The following SNED1 variants were observed in gnomAD, a reference collection of about 807,000 sequenced individuals.
SNED1 encodes the protein sushi, nidogen and EGF-like domain-containing protein 1.
In SNED1, 81 loss-of-function variants were observed where a neutral mutation model predicts 166.7. The ratio of observed to expected loss-of-function variants is 0.49; its 90% CI spans 0.41 to 0.58. SNED1 has a LOEUF of 0.58. Ranked by LOEUF, SNED1 falls within the 20% of genes least tolerant of loss-of-function variation. The probability of loss-of-function intolerance (pLI) is 0.00; values close to 1 mark genes in which losing one functional copy is unlikely to be tolerated. For missense variants in SNED1, 1,604 were observed against 2,000.2 expected (o/e 0.80, Z 3.78); for synonymous variants, 762 against 822.0 (o/e 0.93, Z 1.25).
intron 27 of SNED1, among the ~76,000 whole-genome samples, chr2:241,079,113 C>CAAA (rs1274280801): frequency 1.2e-3 from 86 of 72,554 alleles, no homozygotes; most frequent in Admixed American, 2.7e-3. Context: ...GACTCCATCT[C>CAAA]AAAAAAAAAA....
intron 4 of SNED1, 126 bp downstream of exon 4, chr2:241,034,856 C>G: frequency 9.4e-7 from 1 of 1,063,138 alleles, no homozygotes; most frequent in Non-Finnish European, 1.3e-6. Context: ...GGTGTCCAGC[C>G]CAGCCCACCT....
chr2:240,998,898 G>C lies in SNED1; in HGVS notation c.61G>C (p.Gly21Arg), dbSNP rs1429255134. The C allele has an allele frequency of 8.1e-7, 1 of 1,228,442 alleles. No homozygotes were observed. The highest frequency in any genetic ancestry group is 3.5e-5 in the East Asian group (1 of 28,838). The allele number at this position is 1,228,442 out of a possible 1,614,324, so 76.1% of individuals were successfully genotyped here. A position where few individuals can be genotyped will look rare whatever the true frequency, so the allele number is the denominator to read the frequency against. Residue 21 changes from glycine to arginine, a missense_variant, in exon 1 of 32, where the codon GGG becomes CGG. By Grantham distance (125) the Gly-to-Arg change is moderately radical (BLOSUM62 -2). Coordinates refer to ENST00000310397, the MANE Select transcript of SNED1 (RefSeq NM_001080437.3). Reference protein sequence around the residue: ...VAAALGLGARGVRGAVALADF... With the variant: ...VAAALGLGARRVRGAVALADF... The stretch of plus-strand genomic sequence containing the variant: ...CGCGGCCCTGGGGCTTGGGGCGCGC[G>C]GGGTGCGCGGCGCGGTGGCCCTTGC...
chr2:240,998,832 T>G lies in SNED1; in HGVS notation c.-6T>G. The G allele has an allele frequency of 8.4e-7, 1 of 1,194,788 alleles. No individual in the cohort carries two copies. The highest frequency in any genetic ancestry group is 3.4e-5 in the South Asian group (1 of 29,416). 74.0% of individuals were successfully genotyped at this position (1,194,788 alleles called of 1,614,324 possible). ...CAGCGCCCCGTCCCGCCCGCACACCTCCGCGATGCGGCACGGCGTCGCCTG... is the reference window on the plus strand; with the variant it reads ...CAGCGCCCCGTCCCGCCCGCACACCGCCGCGATGCGGCACGGCGTCGCCTG... On this transcript the variant is annotated 5_prime_UTR_variant, in exon 1 of 32. Transcript: ENST00000310397.
intron 27 of SNED1, chr2:241,074,451 A>T (rs963460874): frequency 6.6e-6 from 1 of 152,142 alleles, no homozygotes; most frequent in African/African-American, 2.4e-5. Flanking sequence ...GTGAACTAAA[A>T]CAAACATTTC....
intron 2 of SNED1, among the ~76,000 whole-genome samples, chr2:241,032,282 A>G (rs947472966): frequency 4.6e-5 from 7 of 151,940 alleles, no homozygotes; most frequent in East Asian, 1.9e-4. Flanking sequence ...CCCGGGAGGC[A>G]GAGGTTGCAG....
intron 1 of SNED1, among the ~76,000 whole-genome samples, chr2:241,014,757 C>T (rs2060526510): frequency 6.6e-6 from 1 of 152,118 alleles, no homozygotes; most frequent in Non-Finnish European, 1.5e-5. Context: ...GTAAATTCTC[C>T]ATATTGCTTT....
At chr2:241,048,214 C>G in intron 8 of SNED1, 101 bp from the exon 9 acceptor site, 6 of 1,353,936 alleles carry the variant, frequency 4.4e-6, no homozygotes, top group Non-Finnish European at 5.9e-6. Flanking sequence ...TTGGGAATGA[C>G]AACAGAGGTG....
chr2:241,090,226 T>G (rs773175925), intron 31 of SNED1: 14 of 1,489,970 alleles, frequency 9.4e-6, no homozygotes, highest in Non-Finnish European at 1.3e-5. Flanking sequence ...TTTTTACTAT[T>G]TAACTTTTGT....
chr2:241,014,977 T>C (rs552410292), intron 1 of SNED1, among the ~76,000 whole-genome samples: 2 of 152,326 alleles, frequency 1.3e-5, no homozygotes, highest in South Asian at 4.1e-4. Context: ...CTCCTGCTTC[T>C]CTGTCCCTGA....
chr2:241,053,393 G>A, intron 16 of SNED1, 67 bp downstream of exon 16: 3 of 1,465,030 alleles, frequency 2.0e-6, no homozygotes, highest in African/African-American at 1.4e-5. Context: ...GCCATGTGGA[G>A]GAGCACAGGG....
intron 2 of SNED1, among the ~76,000 whole-genome samples, chr2:241,032,174 C>A (rs901467236): frequency 4.6e-5 from 7 of 152,068 alleles, no homozygotes; most frequent in African/African-American, 1.4e-4. Flanking sequence ...ACATGACGAA[C>A]TCCCCTCTCT....
rs1326646582 is a variant in SNED1, at chr2:241,051,094, A to G, written c.1736-650A>G. ...TGGCTGGCAGGAGAGGAGCGAGCAC[A>G]GTGGGGCAGGCCCCTCCCGCCACTC... is the stretch of plus-strand genomic sequence containing the variant. On this transcript the variant is annotated intron_variant, in intron 12 of 31. Transcript: ENST00000310397. This position sits in a 1 kb window ranked among gnomAD's most constrained non-coding sequence, Gnocchi z 4.7. Among the ~76,000 whole-genome samples the G allele has an allele frequency of 6.6e-6, 1 of 152,174 alleles. No individual in the cohort carries two copies. Among genetic ancestry groups the G allele is most frequent in the African/African-American group, 2.4e-5 (1 of 41,448 alleles).
intron 31 of SNED1, among the ~76,000 whole-genome samples, chr2:241,089,565 CG>C (rs11315986): frequency 0.16 from 23,738 of 152,146 alleles, 2,534 homozygotes; most frequent in African/African-American, 0.31. Context: ...TCTGCCTCTT[CG>C]GATGTGGAAA....
chr2:241,007,893 C>T (rs941931933), intron 1 of SNED1, among the ~76,000 whole-genome samples: 10 of 152,230 alleles, frequency 6.6e-5, no homozygotes, highest in Non-Finnish European at 1.2e-4. Flanking sequence ...CTGTCCTACA[C>T]GGGCCTTCGT....
intron 21 of SNED1, among the ~76,000 whole-genome samples, chr2:241,065,828 C>T (rs1282921457): frequency 6.6e-6 from 1 of 152,080 alleles, no homozygotes; most frequent in Non-Finnish European, 1.5e-5. Context: ...TAGAATCGAG[C>T]CAAGAGTGGG....
upstream of SNED1, among the ~76,000 whole-genome samples, chr2:240,998,462 C>G (rs1374093132): frequency 6.6e-6 from 1 of 152,064 alleles, no homozygotes; most frequent in African/African-American, 2.4e-5. Context: ...GCAGAGCCCT[C>G]ACCTTGCCTG....
At chr2:241,070,690 G>A (rs563941133) in intron 24 of SNED1, among the ~76,000 whole-genome samples, 20 of 152,228 alleles carry the variant, frequency 1.3e-4, no homozygotes, top group African/African-American at 4.8e-4. Context: ...CAGATGCTCC[G>A]AAGGGCTCAG....
At chr2:241,001,861 G>T (rs993045937) in intron 1 of SNED1, among the ~76,000 whole-genome samples, 3 of 152,134 alleles carry the variant, frequency 2.0e-5, no homozygotes, top group Non-Finnish European at 4.4e-5. Context: ...GGATTTGAGG[G>T]TCAAGAGTGG....
At chr2:241,063,073 C>A (rs2062294268) in intron 17 of SNED1, among the ~76,000 whole-genome samples, 169 bp downstream of exon 17, 1 of 152,238 alleles carries the variant, frequency 6.6e-6, no homozygotes, top group African/African-American at 2.4e-5. Flanking sequence ...TTACAAATAT[C>A]CCTTCCTGCA....
Sources: gnomAD v4.1 joint callset for allele counts (sites outside exome capture counted in the v4.1 genomes callset) on GRCh38, gnomAD v4.1.1 for gene constraint, Gnocchi (gnomAD v3.1) non-coding constraint, MANE v1.5 for transcripts, NCBI Gene and HGNC (gene_info 2026-07-23, HGNC 2026-07-21) for gene names.